Variants in TUSC3 observed in about 807,000 individuals in gnomAD.
The protein encoded by TUSC3 is dolichyl-diphosphooligosaccharide--protein glycosyltransferase subunit TUSC3.
A neutral mutation model predicts 44.8 loss-of-function variants in TUSC3; 45 were observed. The observed-to-expected ratio is 1.00, with a 90% CI of 0.79 to 1.29. TUSC3 has a LOEUF of 1.29. Among genes scored for constraint, TUSC3 ranks in the 50% most tolerant of loss-of-function variants. TUSC3 has a pLI of 0.00. For missense variants in TUSC3, 519 were observed against 437.9 expected (o/e 1.19, Z -1.65); for synonymous variants, 212 against 152.9 (o/e 1.39, Z -2.85).
chr8:15,817,945 G>A, the TUSC3 span, among the ~76,000 whole-genome samples: 3 of 152,156 alleles, frequency 2.0e-5, no homozygotes, highest in Non-Finnish European at 4.4e-5. Context: ...CAGGTCAAAA[G>A]CCCCTGACTT....
chr8:15,757,655 C>T (rs1585310266), intron 9 of TUSC3, 136 bp from the exon 10 acceptor site: 1 of 1,093,068 alleles, frequency 9.1e-7, no homozygotes, highest in East Asian at 2.5e-5. Flanking sequence ...TCTGTAAAGG[C>T]ACCATCGTCT....
At chr8:15,573,190 CTCTCTCTCTCTCTATATATA>C (rs1490107908) in intron 1 of TUSC3, among the ~76,000 whole-genome samples, 1 of 92,520 alleles carries the variant, frequency 1.1e-5, no homozygotes, top group Non-Finnish European at 2.2e-5. Flanking sequence ...CTCTCTCTCT[CTCTCTCTCTCTCTATATATA>C]TATATATATA....
chr8:15,755,860 G>C (rs938275491), intron 9 of TUSC3, among the ~76,000 whole-genome samples: 7 of 151,948 alleles, frequency 4.6e-5, no homozygotes. Flanking sequence ...GAAGAGCAAA[G>C]TGCTAGCAAG....
chr8:15,455,668 A>G (rs962432756), intron 1 of TUSC3, among the ~76,000 whole-genome samples: 16 of 152,302 alleles, frequency 1.1e-4, no homozygotes, highest in South Asian at 4.1e-4. Flanking sequence ...CAAAAATTCT[A>G]TCAGTGAGAA....
chr8:15,458,468 A>C (rs1395739707), intron 1 of TUSC3, among the ~76,000 whole-genome samples: 4 of 152,120 alleles, frequency 2.6e-5, no homozygotes, highest in African/African-American at 4.8e-5. Flanking sequence ...CAAACTCCTG[A>C]GCTCAAGTGA....
At chr8:15,463,292 C>G (rs545903839) in intron 1 of TUSC3, among the ~76,000 whole-genome samples, 6 of 152,054 alleles carry the variant, frequency 3.9e-5, no homozygotes, top group Non-Finnish European at 8.8e-5. Flanking sequence ...GTTATTTTAG[C>G]TAGGCTAAAT....
At chr8:15,506,667 A>G (rs1240846090) in intron 2 of TUSC3, among the ~76,000 whole-genome samples, 1 of 152,098 alleles carries the variant, frequency 6.6e-6, no homozygotes, top group African/African-American at 2.4e-5. Flanking sequence ...AAATCATCGG[A>G]TCTTGTGAGA....
chr8:15,558,665 T>C (rs1034543166), intron 1 of TUSC3, among the ~76,000 whole-genome samples: 1 of 119,392 alleles, frequency 8.4e-6, no homozygotes, highest in African/African-American at 2.9e-5. Context: ...AAGCTATTGA[T>C]TATTGCCACA....
intron 1 of TUSC3, among the ~76,000 whole-genome samples, chr8:15,421,246 A>T (rs1799734376): frequency 6.6e-6 from 1 of 152,114 alleles, no homozygotes; most frequent in Non-Finnish European, 1.5e-5. Context: ...ATCTCATTCA[A>T]AGTAAAAGCC....
At chr8:15,729,336 A>G (rs1810621180) in intron 6 of TUSC3, among the ~76,000 whole-genome samples, 1 of 152,192 alleles carries the variant, frequency 6.6e-6, no homozygotes, top group Non-Finnish European at 1.5e-5. Context: ...ATACATACCT[A>G]TACAAACAGT....
the TUSC3 span, among the ~76,000 whole-genome samples, chr8:15,847,413 C>T: frequency 6.6e-6 from 1 of 152,098 alleles, no homozygotes; most frequent in Non-Finnish European, 1.5e-5. Context: ...CTCTCATTCA[C>T]TCGAAATGTT....
At chr8:15,672,977 A>G (rs1313119059) in intron 5 of TUSC3, among the ~76,000 whole-genome samples, 1 of 152,082 alleles carries the variant, frequency 6.6e-6, no homozygotes, top group Admixed American at 6.6e-5. Context: ...GTTTTAACCT[A>G]GAGAACACAT....
At chr8:15,751,607 G>C (rs924697629) in intron 9 of TUSC3, among the ~76,000 whole-genome samples, 1 of 152,158 alleles carries the variant, frequency 6.6e-6, no homozygotes, top group Non-Finnish European at 1.5e-5. Context: ...ACTCCTTGGA[G>C]GTGTTCAAAG....
intron 2 of TUSC3, among the ~76,000 whole-genome samples, chr8:15,490,425 CACT>C (rs1256411824): frequency 6.6e-6 from 1 of 152,130 alleles, no homozygotes; most frequent in Non-Finnish European, 1.5e-5. Context: ...CCACCACCAC[CACT>C]ACCATCATCA....
At chr8:15,646,275 A>G (rs1806625375) in intron 2 of TUSC3, among the ~76,000 whole-genome samples, 1 of 152,130 alleles carries the variant, frequency 6.6e-6, no homozygotes, top group Non-Finnish European at 1.5e-5. Flanking sequence ...CGTGAAACAC[A>G]GACTATTTGA....
At chr8:15,457,568 C>G (rs1040619039) in intron 1 of TUSC3, among the ~76,000 whole-genome samples, 1 of 150,858 alleles carries the variant, frequency 6.6e-6, no homozygotes, top group Non-Finnish European at 1.5e-5. Flanking sequence ...CTTTTCTGCA[C>G]ATACGCTACG....
At chr8:15,725,021 A>AT (rs1167600260) in intron 6 of TUSC3, among the ~76,000 whole-genome samples, 1 of 152,224 alleles carries the variant, frequency 6.6e-6, no homozygotes, top group East Asian at 1.9e-4. Flanking sequence ...ATCATCCAAC[A>AT]CTGTCAAATC....
intron 6 of TUSC3, among the ~76,000 whole-genome samples, chr8:15,702,917 A>T (rs1410090423): frequency 6.6e-6 from 1 of 152,152 alleles, no homozygotes; most frequent in Non-Finnish European, 1.5e-5. Context: ...TTTCAGAAAG[A>T]TGAGCTGAAA....
the TUSC3 span, among the ~76,000 whole-genome samples, chr8:15,840,691 AG>A: frequency 6.6e-6 from 1 of 152,218 alleles, no homozygotes; most frequent in Non-Finnish European, 1.5e-5. Flanking sequence ...CAGAATAAAT[AG>A]AAAAACACTT....
Sources: gnomAD v4.1 joint callset for allele counts (sites outside exome capture counted in the v4.1 genomes callset) on GRCh38, gnomAD v4.1.1 for gene constraint, MANE v1.5 for transcripts, NCBI Gene and HGNC (gene_info 2026-07-23, HGNC 2026-07-21) for gene names.